The following CPO variants were observed in gnomAD, a reference collection of about 807,000 sequenced individuals.
CPO encodes carboxypeptidase O.
CPO carries 43 observed loss-of-function variants against 41.2 expected under a neutral mutation model. The observed-to-expected ratio is 1.04, with a 90% CI of 0.82 to 1.35. The LOEUF is 1.35. CPO is among the 40% of genes most tolerant of loss of function. CPO has a pLI of 0.00. For missense variants in CPO, 408 were observed against 451.7 expected (o/e 0.90, Z 0.88); for synonymous variants, 178 against 162.7 (o/e 1.09, Z -0.72).
At chr2:206,945,962 A>T (rs1693136334) in intron 1 of CPO, among the ~76,000 whole-genome samples, 1 of 145,920 alleles carries the variant, frequency 6.9e-6, no homozygotes, top group African/African-American at 2.4e-5. Flanking sequence ...ATATTTAAAA[A>T]AATTTTTTTA....
intron 2 of CPO, among the ~76,000 whole-genome samples, chr2:206,955,252 C>T (rs1693335949): frequency 6.6e-6 from 1 of 152,174 alleles, no homozygotes; most frequent in East Asian, 1.9e-4. Context: ...TGGTAAAGTG[C>T]AGTGGTAGAA....
intron 1 of CPO, 64 bp from the exon 2 acceptor site, chr2:206,949,553 C>A: frequency 1.6e-6 from 2 of 1,215,018 alleles, no homozygotes; most frequent in South Asian, 2.5e-5. Context: ...TTTCAACAAC[C>A]CGCCAACCCT....
At chr2:206,956,538 G>A (rs375512578) in intron 3 of CPO, among the ~76,000 whole-genome samples, 3 of 152,244 alleles carry the variant, frequency 2.0e-5, no homozygotes, top group African/African-American at 7.2e-5. Flanking sequence ...ATTTTAACAA[G>A]GCTTCTTCCA....
intron 2 of CPO, among the ~76,000 whole-genome samples, chr2:206,952,006 G>A (rs936102801): frequency 6.6e-6 from 1 of 152,120 alleles, no homozygotes; most frequent in African/African-American, 2.4e-5. Context: ...ACCCTCACTT[G>A]AGTAAGTATT....
chr2:206,948,860 T>C (rs1693197419), intron 1 of CPO, among the ~76,000 whole-genome samples: 1 of 152,166 alleles, frequency 6.6e-6, no homozygotes, highest in Non-Finnish European at 1.5e-5. Context: ...TGAGCCCTAA[T>C]ATAAACAATG....
At chr2:206,958,733 T>TC (rs1428869131) in intron 4 of CPO, among the ~76,000 whole-genome samples, 1 of 138,028 alleles carries the variant, frequency 7.2e-6, no homozygotes, top group Non-Finnish European at 1.6e-5. Flanking sequence ...TTCTAGTTTT[T>TC]TTTTTTTTTT....
At chr2:206,955,378 T>A (rs1693338183) in intron 2 of CPO, 85 bp from the exon 3 acceptor site, 5 of 816,106 alleles carry the variant, frequency 6.1e-6, no homozygotes, top group Non-Finnish European at 1.1e-5. Context: ...GAGTTCAATG[T>A]GTCAGTGAAA....
chr2:206,939,730 T>C, intron 1 of CPO, 63 bp downstream of exon 1: 1 of 1,435,182 alleles, frequency 7.0e-7, no homozygotes, highest in Non-Finnish European at 9.7e-7. Flanking sequence ...TTGAATGGTT[T>C]CTTTTTAAGA....
intron 7 of CPO, among the ~76,000 whole-genome samples, chr2:206,964,473 C>T (rs1693536441): frequency 1.3e-5 from 2 of 152,154 alleles, no homozygotes; most frequent in Non-Finnish European, 2.9e-5. Flanking sequence ...CATCAGAACT[C>T]TATAAATAGG....
At chr2:206,949,050 A>AT (rs1693201007) in intron 1 of CPO, among the ~76,000 whole-genome samples, 1 of 146,108 alleles carries the variant, frequency 6.8e-6, no homozygotes, top group South Asian at 2.2e-4. Context: ...AATAAAGTTT[A>AT]TTTTTAAAAA....
Position 206,959,697 on chromosome 2 carries a change from C to A in CPO, c.439C>A (p.Leu147Ile), listed in dbSNP as rs200550453. 7 of 1,577,468 alleles carry A rather than the reference C, an allele frequency of 4.4e-6. No individual in the cohort carries two copies. The highest frequency in any genetic ancestry group is 6.1e-6 in the Non-Finnish European group (7 of 1,146,678). The change falls in exon 5 of 9, where the codon CTT becomes ATT. Residue 147 changes from leucine (L) to isoleucine (I), a missense_variant. Leu to Ile is a conservative substitution (Grantham distance 5, BLOSUM62 2). Coordinates refer to ENST00000272852, the MANE Select transcript of CPO (RefSeq NM_173077.3). Reference protein sequence around the residue: ...KLLRNLDFYVLPVLNIDGYIY... With the variant: ...KLLRNLDFYVIPVLNIDGYIY... Reference sequence around the variant, plus strand: ...CCTTAGGAACCTGGACTTCTATGTCCTTCCAGTTCTTAACATAGATGGTTA... The same window carrying A: ...CCTTAGGAACCTGGACTTCTATGTCATTCCAGTTCTTAACATAGATGGTTA...
intron 2 of CPO, among the ~76,000 whole-genome samples, chr2:206,954,488 C>A (rs1379844400): frequency 6.6e-6 from 1 of 152,196 alleles, no homozygotes; most frequent in East Asian, 1.9e-4. Flanking sequence ...GTCCATATCA[C>A]TATCAGTATT....
intron 2 of CPO, among the ~76,000 whole-genome samples, chr2:206,954,090 G>A (rs1016378517): frequency 1.3e-5 from 2 of 152,156 alleles, no homozygotes; most frequent in Non-Finnish European, 2.9e-5. Flanking sequence ...GCCTGTGATG[G>A]GAGGGGCTGC....
At chr2:206,940,414 A>G (rs1209912227) in intron 1 of CPO, among the ~76,000 whole-genome samples, 1 of 152,142 alleles carries the variant, frequency 6.6e-6, no homozygotes, top group Non-Finnish European at 1.5e-5. Context: ...ATAACAGTGT[A>G]TGAAAGCACT....
intron 7 of CPO, among the ~76,000 whole-genome samples, chr2:206,964,226 C>G (rs369174121): frequency 1.3e-5 from 2 of 152,184 alleles, no homozygotes; most frequent in African/African-American, 2.4e-5. Context: ...AGCCCTTCTC[C>G]CAACAGTCAA....
intron 7 of CPO, among the ~76,000 whole-genome samples, 169 bp downstream of exon 7, chr2:206,962,783 C>T (rs1215131986): frequency 2.6e-5 from 4 of 152,140 alleles, no homozygotes; most frequent in African/African-American, 7.2e-5. Context: ...GCTGGGAAGG[C>T]TTCGGGTTAA....
Position 206,969,247 on chromosome 2 carries a change from G to T in CPO, c.936G>T (p.Arg312Ser), listed in dbSNP as rs971610651. ...CCTTCTCATATACGTTTGAGCTGAG[G>T]GACAGTGGAACATATGGGTTTGTTC... Reference protein sequence around the residue: ...GIPFSYTFELRDSGTYGFVLP... With the variant: ...GIPFSYTFELSDSGTYGFVLP... The change falls in exon 9 of 9, where the codon AGG becomes AGT. Residue 312 changes from arginine to serine, a missense_variant. By Grantham distance (110) the Arg-to-Ser change is moderately radical. Transcript: ENST00000272852. The T allele has an allele frequency of 3.1e-6, 5 of 1,614,120 alleles. No homozygotes were observed. The highest frequency in any genetic ancestry group is 4.2e-6 in the Non-Finnish European group (5 of 1,179,994).
intron 4 of CPO, among the ~76,000 whole-genome samples, 169 bp downstream of exon 4, chr2:206,958,574 T>C (rs982552304): frequency 1.3e-5 from 2 of 152,182 alleles, no homozygotes; most frequent in Non-Finnish European, 2.9e-5. Context: ...CACTGAAAAC[T>C]GAATTAATAT....
rs1029528243 is a variant in CPO, at chr2:206,939,820, T to C, written c.68+153T>C. Among the ~76,000 whole-genome samples, 3 of 152,106 alleles carry C rather than the reference T, an allele frequency of 2.0e-5. No homozygotes were observed. The South Asian group carries it at 6.2e-4, about 32-fold the overall frequency. On this transcript the variant is annotated intron_variant, in intron 1 of 8. Coordinates refer to ENST00000272852, the MANE Select transcript of CPO (RefSeq NM_173077.3). ...GAATAATAAAGACCACTGAAATTTA[T>C]CACTGAATAATCATAATCCTCTAAT...
Sources: gnomAD v4.1 joint callset for allele counts (sites outside exome capture counted in the v4.1 genomes callset) on GRCh38, gnomAD v4.1.1 for gene constraint, MANE v1.5 for transcripts, NCBI Gene and HGNC (gene_info 2026-07-23, HGNC 2026-07-21) for gene names.